SVIL: variants seen among roughly 807,000 people sequenced by gnomAD.
The protein encoded by SVIL is archvillin.
In SVIL, 101 loss-of-function variants were observed where a neutral mutation model predicts 240.4. That is an observed-to-expected ratio of 0.42 (90% CI 0.36 to 0.50). SVIL has a LOEUF of 0.50. Among genes scored for constraint, SVIL ranks in the 20% least tolerant of loss-of-function variants. The pLI is 0.01. For synonymous variants in SVIL, 999 were observed against 1,100.0 expected, an observed-to-expected ratio of 0.91 and a Z score of 1.82; for missense variants, 2,512 against 2,818.7, an observed-to-expected ratio of 0.89 and a Z score of 2.46.
At chr10:29,675,864 A>G (rs1399876093) in intron 2 of SVIL, among the ~76,000 whole-genome samples, 1 of 152,188 alleles carries the variant, frequency 6.6e-6, no homozygotes, top group Non-Finnish European at 1.5e-5. Flanking sequence ...TTTTGAATAA[A>G]CATAGAAATT....
intron 1 of SVIL, among the ~76,000 whole-genome samples, chr10:29,732,540 AACTG>A (rs1964681737): frequency 6.6e-6 from 1 of 152,220 alleles, no homozygotes; most frequent in Admixed American, 6.5e-5. Context: ...TGTTCAGTTT[AACTG>A]ACCTATGCTT....
chr10:29,692,791 G>C (rs79302785), intron 1 of SVIL, among the ~76,000 whole-genome samples: 2,325 of 152,080 alleles, frequency 0.015, 47 homozygotes, highest in East Asian at 0.098. Context: ...CTGTGCCCAG[G>C]CGGGACTTTT....
rs111738685 is a variant in SVIL, at chr10:29,486,398, A to G, written c.4633+12T>C. ...AAGTCTCGTCAATCTCTGAAGTACA[A>G]TGAAGTCTTACATTGGTAACTGGTT... is the stretch of plus-strand genomic sequence containing the variant. On this transcript the variant is annotated intron_variant, in intron 25 of 37. Transcript: ENST00000355867. 6.2e-7 allele frequency: 1 copy of G among 1,613,928 alleles called. No homozygotes were observed. The highest frequency in any genetic ancestry group is 8.5e-7 in the Non-Finnish European group (1 of 1,179,980).
chr10:29,551,100 G>A lies in SVIL; in HGVS notation c.324C>T (p.Tyr108=), dbSNP rs1953286326. The A allele has an allele frequency of 2.5e-6, 4 of 1,614,104 alleles. No individual in the cohort carries two copies. The African/African-American group carries it at 4.0e-5, about 16-fold the overall frequency. ...LESKAERIAR[Y]KAERRRQLAE... is the part of the protein sequence containing the mutation. ...CCAGCTGTCGCCTTCTTTCTGCTTTGTACCTTGCAATTCTTTCGGCTTTGG... is the reference window on the plus strand; with the variant it reads ...CCAGCTGTCGCCTTCTTTCTGCTTTATACCTTGCAATTCTTTCGGCTTTGG... Residue 108 remains tyrosine, a synonymous_variant, in exon 6 of 38, where the codon TAC becomes TAT. Coordinates refer to ENST00000355867, the MANE Select transcript of SVIL (RefSeq NM_021738.3).
intron 2 of SVIL, among the ~76,000 whole-genome samples, chr10:29,681,556 A>G (rs1309836614): frequency 1.3e-5 from 2 of 152,162 alleles, no homozygotes; most frequent in Non-Finnish European, 2.9e-5. Flanking sequence ...ATCAGCTCAC[A>G]AGAAGGAAAT....
At chr10:29,716,109 T>G (rs1184819813) in intron 1 of SVIL, among the ~76,000 whole-genome samples, 2 of 152,242 alleles carry the variant, frequency 1.3e-5, no homozygotes, top group South Asian at 2.1e-4. Context: ...AAAGCATCAC[T>G]GATCTACTTG....
At chr10:29,572,113 G>A (rs923034829) in intron 1 of SVIL, among the ~76,000 whole-genome samples, 7 of 152,148 alleles carry the variant, frequency 4.6e-5, no homozygotes, top group African/African-American at 1.7e-4. Flanking sequence ...GTTCAAACCA[G>A]GTGGACTTAG....
At chr10:29,670,598 A>G (rs1959688921) in intron 2 of SVIL, among the ~76,000 whole-genome samples, 2 of 152,212 alleles carry the variant, frequency 1.3e-5, no homozygotes, top group African/African-American at 4.8e-5. Flanking sequence ...ATATCAAAGC[A>G]TTTATCGGCT....
intron 1 of SVIL, among the ~76,000 whole-genome samples, chr10:29,593,196 T>A (rs1956455869): frequency 2.6e-5 from 4 of 152,232 alleles, no homozygotes; most frequent in Admixed American, 2.6e-4. Flanking sequence ...AGTAAAATCA[T>A]ATTATAACGC....
At chr10:29,713,262 C>CTG (rs10647219) in intron 1 of SVIL, among the ~76,000 whole-genome samples, 69,640 of 148,358 alleles carry the variant, frequency 0.47, 16,044 homozygotes, top group African/African-American at 0.52. Context: ...GTACATGCCT[C>CTG]TGTGTGTGTG....
chr10:29,536,191 G>GA, intron 6 of SVIL, 122 bp from the exon 7 acceptor site: 2 of 926,484 alleles, frequency 2.2e-6, no homozygotes, highest in Non-Finnish European at 3.3e-6. Flanking sequence ...ACTTATAAGT[G>GA]GGAGTTAAAC....
intron 17 of SVIL, among the ~76,000 whole-genome samples, chr10:29,505,050 T>C (rs1315099081): frequency 2.6e-5 from 4 of 152,164 alleles, no homozygotes; most frequent in African/African-American, 4.8e-5. Flanking sequence ...AAAGACACAG[T>C]GGAGGCTCAC....
At chr10:29,673,681 G>A (rs867434702) in intron 2 of SVIL, among the ~76,000 whole-genome samples, 3 of 152,040 alleles carry the variant, frequency 2.0e-5, no homozygotes, top group South Asian at 2.1e-4. Context: ...TCACTATCAC[G>A]AGAACAGCAT....
At chr10:29,654,174 T>A (rs1276730520) in intron 3 of SVIL, among the ~76,000 whole-genome samples, 1 of 152,222 alleles carries the variant, frequency 6.6e-6, no homozygotes, top group Non-Finnish European at 1.5e-5. Flanking sequence ...TCCATGCACA[T>A]GGAATGTTTT....
At chr10:29,571,298 G>A (rs1955404196) in intron 1 of SVIL, among the ~76,000 whole-genome samples, 1 of 152,244 alleles carries the variant, frequency 6.6e-6, no homozygotes, top group South Asian at 2.1e-4. Flanking sequence ...CGTGGGTGAT[G>A]TAGATGACCA....
At chr10:29,702,285 G>A (rs151311873) in intron 1 of SVIL, among the ~76,000 whole-genome samples, 154 of 146,564 alleles carry the variant, frequency 1.1e-3, no homozygotes, top group African/African-American at 3.9e-3. Context: ...TTGAATAAAT[G>A]TTCCATCAAA....
At chr10:29,567,976 C>G (rs1234402391) in intron 2 of SVIL, among the ~76,000 whole-genome samples, 6 of 148,588 alleles carry the variant, frequency 4.0e-5, no homozygotes. Context: ...GAGATCGCGT[C>G]ACTGCACTCC....
At chr10:29,696,850 C>G (rs1417110636) in intron 1 of SVIL, among the ~76,000 whole-genome samples, 1 of 150,028 alleles carries the variant, frequency 6.7e-6, no homozygotes, top group Non-Finnish European at 1.5e-5. Flanking sequence ...GGCCAACCGC[C>G]CTGTCCGGGA....
chr10:29,481,938 A>G (rs1946899426), intron 27 of SVIL, among the ~76,000 whole-genome samples: 1 of 151,684 alleles, frequency 6.6e-6, no homozygotes, highest in Non-Finnish European at 1.5e-5. Flanking sequence ...CTTTGTGTCC[A>G]TGGAGTTTTT....
Sources: gnomAD v4.1 joint callset for allele counts (sites outside exome capture counted in the v4.1 genomes callset) on GRCh38, gnomAD v4.1.1 for gene constraint, MANE v1.5 for transcripts, NCBI Gene and HGNC (gene_info 2026-07-23, HGNC 2026-07-21) for gene names.